The following TRPM3 variants were observed in gnomAD, a reference collection of about 807,000 sequenced individuals.
TRPM3 encodes transient receptor potential cation channel subfamily M member 3.
In TRPM3, 77 loss-of-function variants were observed where a neutral mutation model predicts 181.2. That is an observed-to-expected ratio of 0.42 (90% CI 0.35 to 0.51). The LOEUF is 0.51. TRPM3 is among the 20% of genes least tolerant of loss of function. The pLI is 0.01. For missense variants in TRPM3, 1,759 were observed against 2,196.7 expected, an observed-to-expected ratio of 0.80 and a Z score of 3.98; for synonymous variants, 745 against 796.4, an observed-to-expected ratio of 0.94 and a Z score of 1.09.
chr9:70,556,234 C>CT (rs56278773), intron 22 of TRPM3, among the ~76,000 whole-genome samples: 20,528 of 146,258 alleles, frequency 0.14, 1,492 homozygotes, highest in African/African-American at 0.2. Flanking sequence ...AGCTTAATAT[C>CT]TTTTTTTTTT....
chr9:70,994,992 G>A (rs775601094), intron 1 of TRPM3, among the ~76,000 whole-genome samples: 3 of 152,108 alleles, frequency 2.0e-5, no homozygotes, highest in African/African-American at 7.2e-5. Context: ...TGGATCCATG[G>A]GGATGCTCCT....
At chr9:70,771,287 C>A (rs1015245416) in intron 7 of TRPM3, among the ~76,000 whole-genome samples, 1 of 152,136 alleles carries the variant, frequency 6.6e-6, no homozygotes, top group African/African-American at 2.4e-5. Flanking sequence ...AGCAACCATT[C>A]TATGGATGAA....
intron 8 of TRPM3, among the ~76,000 whole-genome samples, chr9:70,694,213 G>T (rs1192500648): frequency 6.6e-6 from 1 of 152,178 alleles, no homozygotes; most frequent in African/African-American, 2.4e-5. Flanking sequence ...GGTCCTTTTA[G>T]TATGGCAGAT....
chr9:71,211,001 A>G (rs775274471), intron 1 of TRPM3, among the ~76,000 whole-genome samples: 9 of 152,198 alleles, frequency 5.9e-5, no homozygotes, highest in Non-Finnish European at 1.3e-4. Flanking sequence ...TTTAACTTTT[A>G]TCACCTCTTG....
Position 70,828,026 on chromosome 9 carries a change from G to T in TRPM3, c.802-8C>A, listed in dbSNP as rs747802380. On this transcript the variant is annotated splice_polypyrimidine_tract_variant and splice_region_variant and intron_variant, in intron 5 of 25. Transcript: ENST00000677713. ...CTGGTATGGCCGGACAACCTGCAGGGTATCAAATGGAAGAGGCAGAAGTCA... is the reference window on the plus strand; with the variant it reads ...CTGGTATGGCCGGACAACCTGCAGGTTATCAAATGGAAGAGGCAGAAGTCA... The T allele has an allele frequency of 1.1e-5, 17 of 1,605,246 alleles. No individual in the cohort carries two copies. Among genetic ancestry groups the T allele is most frequent in the Admixed American group, 1.7e-5 (1 of 59,118 alleles).
chr9:71,187,623 G>A, intron 1 of TRPM3, among the ~76,000 whole-genome samples: 1 of 151,732 alleles, frequency 6.6e-6, no homozygotes, highest in Middle Eastern at 3.4e-3. Flanking sequence ...TTTAACCAAA[G>A]GTTTATTTTT....
intron 1 of TRPM3, among the ~76,000 whole-genome samples, chr9:70,939,438 C>G (rs1415064040): frequency 6.6e-6 from 1 of 152,098 alleles, no homozygotes; most frequent in Non-Finnish European, 1.5e-5. Flanking sequence ...TTCGGCAGTA[C>G]GGCGAATATT....
intron 1 of TRPM3, among the ~76,000 whole-genome samples, chr9:71,261,833 G>C (rs931400671): frequency 2.6e-5 from 4 of 152,174 alleles, no homozygotes; most frequent in African/African-American, 9.7e-5. Context: ...ACCAGTGGAG[G>C]CTGCAAAACA....
intron 1 of TRPM3, among the ~76,000 whole-genome samples, chr9:71,229,028 G>C (rs2080876909): frequency 2.0e-5 from 3 of 152,050 alleles, no homozygotes; most frequent in East Asian, 1.9e-4. Flanking sequence ...CAAGCAAAAA[G>C]AACAAAACTG....
chr9:70,943,840 C>A (rs898682250), intron 1 of TRPM3, among the ~76,000 whole-genome samples: 1 of 152,138 alleles, frequency 6.6e-6, no homozygotes, highest in Non-Finnish European at 1.5e-5. Flanking sequence ...GGCATGATCT[C>A]GGCTTCTTGG....
chr9:71,034,356 C>A (rs2132791400), intron 1 of TRPM3, among the ~76,000 whole-genome samples: 1 of 151,990 alleles, frequency 6.6e-6, no homozygotes, highest in East Asian at 1.9e-4. Flanking sequence ...GAGCTTATTC[C>A]CAAGAAGAGG....
intron 1 of TRPM3, among the ~76,000 whole-genome samples, chr9:70,896,508 A>G (rs1461248394): frequency 6.6e-6 from 1 of 152,204 alleles, no homozygotes; most frequent in African/African-American, 2.4e-5. Flanking sequence ...GCGGCCACAG[A>G]AAATAAAGAA....
At position 70,531,544 on chromosome 9, in the gene TRPM3, ATTG is replaced by A. The variant is rs1416201599; in HGVS notation, c.*4406_*4408del. ...ATTACTTCATTTCAGTCACATTGTT[ATTG>A]TTCAAGGATAGTGAGTTATAATGCA... On this transcript the variant is annotated 3_prime_UTR_variant, in exon 26 of 26. Coordinates refer to ENST00000677713, the MANE Select transcript of TRPM3 (RefSeq NM_001366145.2). 2.0e-5 allele frequency: 3 copies of A among 152,218 alleles called. No individual in the cohort carries two copies. Among genetic ancestry groups the A allele is most frequent in the African/African-American group, 7.2e-5 (3 of 41,468 alleles). 9.4% of individuals were successfully genotyped at this position (152,218 alleles called of 1,614,324 possible).
At chr9:71,254,897 T>C (rs1271849219) in intron 1 of TRPM3, among the ~76,000 whole-genome samples, 1 of 152,194 alleles carries the variant, frequency 6.6e-6, no homozygotes, top group African/African-American at 2.4e-5. Flanking sequence ...CCTTCTTACC[T>C]TTCATCCAGA....
intron 1 of TRPM3, among the ~76,000 whole-genome samples, chr9:71,325,494 G>A (rs907447647): frequency 4.6e-5 from 7 of 152,136 alleles, no homozygotes; most frequent in African/African-American, 1.7e-4. Flanking sequence ...AAAGCCAAGT[G>A]TCAACTCTAG....
At chr9:71,014,986 T>A (rs2097772907) in intron 1 of TRPM3, among the ~76,000 whole-genome samples, 1 of 152,172 alleles carries the variant, frequency 6.6e-6, no homozygotes, top group Non-Finnish European at 1.5e-5. Context: ...TTTCCTTTTT[T>A]TCAGTATTTT....
intron 1 of TRPM3, among the ~76,000 whole-genome samples, chr9:70,945,464 C>A (rs142598301): frequency 9.3e-4 from 142 of 152,244 alleles, no homozygotes; most frequent in Middle Eastern, 3.4e-3. Context: ...CAAAATACTA[C>A]CACCACCTTC....
chr9:71,230,685 C>A (rs1360876047), intron 1 of TRPM3, among the ~76,000 whole-genome samples: 1 of 152,152 alleles, frequency 6.6e-6, no homozygotes, highest in Non-Finnish European at 1.5e-5. Flanking sequence ...TCTACACTTG[C>A]AAAGTAGACT....
intron 22 of TRPM3, among the ~76,000 whole-genome samples, chr9:70,559,698 C>T (rs2048583520): frequency 6.6e-6 from 1 of 152,134 alleles, no homozygotes; most frequent in African/African-American, 2.4e-5. Context: ...TCTCTCAGTC[C>T]CAGTAGAAAT....
Sources: allele counts gnomAD v4.1 joint callset (sites outside exome capture counted in the v4.1 genomes callset), GRCh38; gene constraint gnomAD v4.1.1; transcripts MANE v1.5; gene names NCBI Gene and HGNC (gene_info 2026-07-23, HGNC 2026-07-21).